HUWE1: variants seen among roughly 807,000 people sequenced by gnomAD.
HUWE1 encodes E3 ubiquitin-protein ligase HUWE1.
HUWE1 carries 18 observed loss-of-function variants against 299.4 expected under a neutral mutation model. The ratio of observed to expected loss-of-function variants is 0.06; its 90% CI spans 0.04 to 0.09. HUWE1 has a LOEUF of 0.09. Ranked by LOEUF, HUWE1 falls within the 10% of genes least tolerant of loss-of-function variation. HUWE1 has a pLI of 1.00. For missense variants in HUWE1, 1,832 were observed against 3,462.3 expected, an observed-to-expected ratio of 0.53 and a Z score of 11.82; for synonymous variants, 1,317 against 1,286.1, an observed-to-expected ratio of 1.02 and a Z score of -0.51.
intron 21 of HUWE1, 70 bp downstream of exon 21, chrX:53,616,900 G>A (rs1309087188): frequency 1.1e-6 from 1 of 908,759 alleles, no homozygotes; most frequent in East Asian, 3.3e-5. Context: ...CGATGAGAGA[G>A]ATGATCAAGG....
At chrX:53,677,097 C>G (rs1452562871) in intron 3 of HUWE1, among the ~76,000 whole-genome samples, 5 of 95,298 alleles carry the variant, frequency 5.2e-5, no homozygotes, top group Non-Finnish European at 1.0e-4. Flanking sequence ...CCCACCCCCC[C>G]GCAATATATT....
chrX:53,665,174 C>A (rs1315780872), intron 3 of HUWE1, among the ~76,000 whole-genome samples: 1 of 111,486 alleles, frequency 9.0e-6, no homozygotes, highest in Non-Finnish European at 1.9e-5. Flanking sequence ...AGACACCAGT[C>A]TCCCTATCCT....
At chrX:53,564,958 G>C in intron 50 of HUWE1, 109 bp downstream of exon 50, 1 of 913,804 alleles carries the variant, frequency 1.1e-6, no homozygotes, top group Non-Finnish European at 1.6e-6. Context: ...CAGATCTCTG[G>C]AAGGCCAGCA....
intron 8 of HUWE1, among the ~76,000 whole-genome samples, chrX:53,633,982 C>G (rs1220087230): frequency 2.7e-5 from 3 of 111,674 alleles, no homozygotes; most frequent in African/African-American, 9.8e-5. Context: ...AATACAGCTA[C>G]CTACTCAAGA....
chrX:53,638,253 T>C (rs1212059573), intron 7 of HUWE1, among the ~76,000 whole-genome samples: 2 of 111,062 alleles, frequency 1.8e-5, no homozygotes, highest in African/African-American at 6.6e-5. Flanking sequence ...GACAGGAGAA[T>C]GGCATGAACC....
intron 3 of HUWE1, among the ~76,000 whole-genome samples, chrX:53,656,102 G>A (rs782171642): frequency 1.9e-5 from 2 of 107,483 alleles, no homozygotes; most frequent in South Asian, 4.2e-4. Flanking sequence ...CCAGGCAGGC[G>A]CAGTGGCTCA....
At chrX:53,626,367 T>C (rs1557017779) in intron 17 of HUWE1, among the ~76,000 whole-genome samples, 2 of 110,220 alleles carry the variant, frequency 1.8e-5, no homozygotes. Context: ...GTTGGTAGTA[T>C]ACAAATAGGT....
In HUWE1 at chrX:53,551,492, T is replaced by C; in HGVS notation, c.8882-12A>G. On this transcript the variant is annotated splice_polypyrimidine_tract_variant and intron_variant, in intron 63 of 83. Transcript: ENST00000262854. Reference sequence around the variant, plus strand: ...AGGGAGACTGATACCTGAAGGGAGATATAACATGTAAAGGGATTCACGCCT... The same window carrying C: ...AGGGAGACTGATACCTGAAGGGAGACATAACATGTAAAGGGATTCACGCCT... 1 of 1,166,028 alleles carries C rather than the reference T, an allele frequency of 8.6e-7. No homozygotes were observed. Among genetic ancestry groups the C allele is most frequent in the East Asian group, 3.1e-5 (1 of 32,160 alleles).
chrX:53,552,850 C>T lies in HUWE1; in HGVS notation c.8538G>A (p.Thr2846=), dbSNP rs781831355. 1.2e-5 allele frequency: 14 copies of T among 1,209,728 alleles called. No homozygotes were observed. The highest frequency in any genetic ancestry group is 4.3e-5 in the Admixed American group (2 of 46,033). The stretch of plus-strand genomic sequence containing the variant: ...AGCCTTCTAGCTGACTGCTGACAGC[C>T]GTCAGTGCATCAGAATCCTCAGCTC... The part of the protein sequence containing the change: ...PERAEDSDAL[T]AVSSQLEGSP... The change falls in exon 62 of 84, where the codon ACG becomes ACA. Residue 2846 remains threonine, a synonymous_variant. Coordinates refer to ENST00000262854, the MANE Select transcript of HUWE1 (RefSeq NM_031407.7).
Position 53,580,946 on chromosome X carries a change from G to C in HUWE1, c.5601C>G (p.Ile1867Met). The change falls in exon 43 of 84, where the codon ATC becomes ATG. Residue 1867 changes from isoleucine to methionine, a missense_variant. Coordinates refer to ENST00000262854, the MANE Select transcript of HUWE1 (RefSeq NM_031407.7). ...VVSGSLGSRE[I>M]NYILRVLGPA... is the part of the protein sequence containing the mutation. ...GCCCAAGGACACGAAGGATGTAGTT[G>C]ATCTCCCGAGAGCCGAGGCTGCCAG... 1 of 1,210,312 alleles carries C rather than the reference G, an allele frequency of 8.3e-7. No individual in the cohort carries two copies. The highest frequency in any genetic ancestry group is 1.8e-5 in the South Asian group (1 of 56,719).
rs781820393 is a variant in HUWE1, at chrX:53,561,747, G to A, written c.7507+9C>T. The A allele has an allele frequency of 4.2e-5, 51 of 1,208,264 alleles. No individual in the cohort carries two copies. The highest frequency in any genetic ancestry group is 5.3e-5 in the Non-Finnish European group (47 of 894,570). On this transcript the variant is annotated intron_variant, in intron 55 of 83. Coordinates refer to ENST00000262854, the MANE Select transcript of HUWE1 (RefSeq NM_031407.7). ...GAGAGAAAAACCCAGCTGAGCCCCT[G>A]TATCTTACTAGCACTGGAGAACATG...
chrX:53,624,969 A>C (rs1482447013), intron 18 of HUWE1, among the ~76,000 whole-genome samples, 188 bp downstream of exon 18: 1 of 112,395 alleles, frequency 8.9e-6, no homozygotes, highest in Non-Finnish European at 1.9e-5. Context: ...AGGGTAAATC[A>C]TTATGAAAAT....
At chrX:53,645,264 A>G (rs111251637) in intron 7 of HUWE1, 47 bp downstream of exon 7, 7 of 1,182,516 alleles carry the variant, frequency 5.9e-6, no homozygotes, top group Admixed American at 2.2e-5. Context: ...GAAAGGAACC[A>G]TATGCTCCAA....
rs905768937 is a variant in HUWE1 at position 53,565,108 on chromosome X, T to C, written c.6839A>G (p.Gln2280Arg). The C allele has an allele frequency of 3.3e-6, 4 of 1,211,778 alleles. No homozygotes were observed. Among genetic ancestry groups the C allele is most frequent in the Non-Finnish European group, 4.5e-6 (4 of 895,404 alleles). ...GCTACTGGAATCTTGAGAGGCTCCT[T>C]GGGCATCCTGCTCAGACTTGTTCTT... Reference protein sequence around the residue: ...SSKNKSEQDAQGASQDSSSNQ... With the variant: ...SSKNKSEQDARGASQDSSSNQ... The change falls in exon 50 of 84, where the codon CAA becomes CGA. Residue 2280 changes from glutamine to arginine, a missense_variant. Physicochemically the swap from Gln to Arg is conservative, Grantham distance 43 (BLOSUM62 1). This residue lies in a region of HUWE1 where 26 missense variants were observed against 20.7 expected (regional missense o/e 1.26). Coordinates refer to ENST00000262854, the MANE Select transcript of HUWE1 (RefSeq NM_031407.7).
intron 28 of HUWE1, among the ~76,000 whole-genome samples, chrX:53,601,742 C>A (rs1176674805): frequency 2.8e-5 from 3 of 105,533 alleles, no homozygotes; most frequent in Admixed American, 2.1e-4. Context: ...GATTTCGGCT[C>A]ACTGCAACCT....
intron 25 of HUWE1, among the ~76,000 whole-genome samples, chrX:53,605,292 ACCC>A (rs1465999911): frequency 8.9e-6 from 1 of 111,912 alleles, no homozygotes; most frequent in Non-Finnish European, 1.9e-5. Context: ...GGATTATACG[ACCC>A]TTGTGATTTC....
intron 19 of HUWE1, among the ~76,000 whole-genome samples, chrX:53,619,590 G>GGAAAAAAAAAAAAAAAAAAAAAGAA (rs2066004569): frequency 2.4e-5 from 1 of 41,166 alleles, no homozygotes; most frequent in Non-Finnish European, 4.6e-5. Flanking sequence ...AGAAATAGAA[G>GGAAAAAAAAAAAAAAAAAAAAAGAA]AAAAAAAAAA....
intron 43 of HUWE1, among the ~76,000 whole-genome samples, chrX:53,578,109 G>A (rs1357251591): frequency 9.9e-6 from 1 of 100,753 alleles, no homozygotes; most frequent in East Asian, 3.2e-4. Context: ...TCCCATCTAG[G>A]AAGTGAGGAG....
chrX:53,620,934 T>C (rs1164924081), intron 19 of HUWE1, among the ~76,000 whole-genome samples: 1 of 111,331 alleles, frequency 9.0e-6, no homozygotes, highest in Non-Finnish European at 1.9e-5. Context: ...TTTCCTAATA[T>C]GATGGTTTTA....
Sources: allele counts gnomAD v4.1 joint callset (sites outside exome capture counted in the v4.1 genomes callset), GRCh38; gene constraint gnomAD v4.1.1; regional missense constraint gnomAD v4.1.1; transcripts MANE v1.5; gene names NCBI Gene and HGNC (gene_info 2026-07-23, HGNC 2026-07-21).